The following NUP98 variants were observed in gnomAD, a reference collection of about 807,000 sequenced individuals.
NUP98 encodes the protein nucleoporin 98 and 96 precursor, also known as nuclear pore complex protein Nup98-Nup96.
Under a neutral mutation model 191.9 loss-of-function variants are expected in NUP98, and 26 were observed. That is an observed-to-expected ratio of 0.14 (90% CI 0.10 to 0.19). The LOEUF (loss-of-function observed/expected upper bound fraction) is 0.19, where lower values mean the gene tolerates loss of function less well. NUP98 is among the 10% of genes least tolerant of loss of function. The pLI, the probability that NUP98 is intolerant of heterozygous loss-of-function variation, is 1.00. For synonymous variants in NUP98, 808 were observed against 778.4 expected (o/e 1.04, Z -0.63); for missense variants, 1,941 against 2,178.8 (o/e 0.89, Z 2.17).
At chr11:3,791,569 G>A (rs1302449811) in intron 1 of NUP98, among the ~76,000 whole-genome samples, 1 of 148,508 alleles carries the variant, frequency 6.7e-6, no homozygotes, top group African/African-American at 2.5e-5. Flanking sequence ...GAAAGGCTGG[G>A]CATGGTGGCT....
At chr11:3,753,832 G>C (rs1019653112) in intron 10 of NUP98, among the ~76,000 whole-genome samples, 3 of 144,436 alleles carry the variant, frequency 2.1e-5, no homozygotes, top group Non-Finnish European at 4.5e-5. Context: ...CCAGCTACTC[G>C]GGAGGCTAAG....
At chr11:3,744,747 C>T in intron 11 of NUP98, 98 bp from the exon 12 acceptor site, 3 of 1,345,452 alleles carry the variant, frequency 2.2e-6, no homozygotes, top group Non-Finnish European at 3.0e-6. Flanking sequence ...TTGGAAACTT[C>T]ATAGTGACCA....
In NUP98 at chr11:3,771,871, C is replaced by T. The variant is rs749624608; in HGVS notation, c.661G>A (p.Ala221Thr). Residue 221 changes from alanine to threonine, a missense_variant, in exon 7 of 33, where the codon GCA becomes ACA. By Grantham distance (58) the Ala-to-Thr change is moderately conservative. Around this residue, in one of 6 missense-constraint regions of NUP98, gnomAD observed 181 missense variants for 228.0 expected, o/e 0.79. Transcript: ENST00000324932. ...NRKGPQNQVG[A>T]GTTTGLFGSS... ...CCAAACAAGCCAGTTGTGGTACCTG[C>T]TCCCACCTGGTTCTGTGGGCCCTTC... is the stretch of plus-strand genomic sequence containing the variant. The T allele has an allele frequency of 1.3e-5, 21 of 1,614,044 alleles. No individual in the cohort carries two copies. The highest frequency in any genetic ancestry group is 1.6e-5 in the Non-Finnish European group (19 of 1,180,028).
rs61502115 is a variant in NUP98 at position 3,738,087 on chromosome 11, C to CAAAA, written c.1409-2767_1409-2764dup. On this transcript the variant is annotated intron_variant, in intron 12 of 32. Coordinates refer to ENST00000324932, the MANE Select transcript of NUP98 (RefSeq NM_016320.5). Reference sequence around the variant, plus strand: ...ACAAATCATTCTACCTGGGCGTTCTCAAAAAAAAAAAAAAAAAAAACCAAA... The same window carrying CAAAA: ...ACAAATCATTCTACCTGGGCGTTCTCAAAAAAAAAAAAAAAAAAAAAAAACCAAA... Among the ~76,000 whole-genome samples, 529 of 69,258 alleles carry CAAAA rather than the reference C, an allele frequency of 7.6e-3. 4 individuals are homozygous for CAAAA. Among genetic ancestry groups the CAAAA allele is most frequent in the Non-Finnish European group, 0.012 (397 of 33,988 alleles). 45.4% of individuals were successfully genotyped at this position (69,258 alleles called of 152,430 possible).
chr11:3,708,114 A>C (rs2078917624), intron 20 of NUP98, among the ~76,000 whole-genome samples: 1 of 152,192 alleles, frequency 6.6e-6, no homozygotes, highest in African/African-American at 2.4e-5. Context: ...AGAAAAATAA[A>C]TAAAATAGGC....
intron 24 of NUP98, 59 bp downstream of exon 24, chr11:3,700,551 C>T: frequency 8.3e-7 from 1 of 1,211,148 alleles, no homozygotes; most frequent in Non-Finnish European, 1.2e-6. Flanking sequence ...CTCCCGTGAA[C>T]ATACGCTACC....
At chr11:3,780,623 G>C (rs1024468614) in intron 2 of NUP98, among the ~76,000 whole-genome samples, 1 of 151,754 alleles carries the variant, frequency 6.6e-6, no homozygotes, top group Non-Finnish European at 1.5e-5. Flanking sequence ...TATGATAGAG[G>C]TTTGTTAGTC....
At chr11:3,693,421 TTACCTG>T (rs771571822) in intron 26 of NUP98, 46 bp from the exon 27 acceptor site, 1 of 1,597,904 alleles carries the variant, frequency 6.3e-7, no homozygotes, top group Non-Finnish European at 8.6e-7. Flanking sequence ...TACCTTGTTA[TTACCTG>T]TGTGTGCAAT....
intron 12 of NUP98, among the ~76,000 whole-genome samples, chr11:3,737,691 C>T (rs1307894530): frequency 3.3e-5 from 5 of 151,900 alleles, no homozygotes; most frequent in Non-Finnish European, 7.4e-5. Context: ...AAAGAAGAGT[C>T]AAAGGTTTCT....
chr11:3,745,941 C>A (rs950875938), intron 11 of NUP98, among the ~76,000 whole-genome samples: 6 of 152,086 alleles, frequency 3.9e-5, no homozygotes, highest in African/African-American at 1.4e-4. Context: ...AGGATGACTA[C>A]TGAACAAATT....
In NUP98 at chr11:3,735,657, T is replaced by C. The variant is rs1003128102; in HGVS notation, c.1409-333A>G. ...ATTTTATGCATACCTATCACTGAAA[T>C]AGCTGCATAAAAAGCCATAGTCTTT... On this transcript the variant is annotated intron_variant, in intron 12 of 32. Coordinates refer to ENST00000324932, the MANE Select transcript of NUP98 (RefSeq NM_016320.5). Among the ~76,000 whole-genome samples the C allele has an allele frequency of 1.3e-4, 20 of 152,084 alleles. No individual in the cohort carries two copies. In the South Asian group the frequency reaches 1.9e-3, roughly 14 times the overall value.
intron 4 of NUP98, among the ~76,000 whole-genome samples, chr11:3,777,812 G>A (rs1274333190): frequency 1.3e-5 from 2 of 151,970 alleles, no homozygotes; most frequent in African/African-American, 4.8e-5. Flanking sequence ...AAAGCAAACA[G>A]GCACATTTCT....
chr11:3,793,041 G>T (rs1049199232), intron 1 of NUP98, among the ~76,000 whole-genome samples: 2 of 152,134 alleles, frequency 1.3e-5, no homozygotes, highest in African/African-American at 2.4e-5. Flanking sequence ...AACCTGGGAG[G>T]CGGAGGTTGG....
chr11:3,756,855 A>G (rs1402115019), intron 10 of NUP98, among the ~76,000 whole-genome samples: 1 of 151,476 alleles, frequency 6.6e-6, no homozygotes, highest in Non-Finnish European at 1.5e-5. Context: ...TGGGAGGCCG[A>G]GGTGAGCGGA....
At chr11:3,731,702 G>A in intron 13 of NUP98, 124 bp from the exon 14 acceptor site, 1 of 586,904 alleles carries the variant, frequency 1.7e-6, no homozygotes. Flanking sequence ...ACCTGTTGAA[G>A]TCTCTGTTCC....
At chr11:3,761,723 G>C (rs755224613) in intron 9 of NUP98, among the ~76,000 whole-genome samples, 1 of 151,704 alleles carries the variant, frequency 6.6e-6, no homozygotes, top group Non-Finnish European at 1.5e-5. Flanking sequence ...GCACGCCACT[G>C]TACTCCAGCC....
intron 22 of NUP98, among the ~76,000 whole-genome samples, chr11:3,703,582 A>G (rs866199860): frequency 1.3e-5 from 2 of 152,206 alleles, no homozygotes; most frequent in Admixed American, 6.5e-5. Context: ...CTGAGCTCAG[A>G]TAAGTGACTT....
At chr11:3,706,402 T>G (rs765312730) in intron 21 of NUP98, 43 bp downstream of exon 21, 2 of 1,573,120 alleles carry the variant, frequency 1.3e-6, no homozygotes, top group Non-Finnish European at 1.7e-6. Flanking sequence ...GATAAAATAT[T>G]AGTTTGGCTT....
intron 4 of NUP98, among the ~76,000 whole-genome samples, chr11:3,777,490 G>A (rs1368242448): frequency 6.6e-6 from 1 of 151,830 alleles, no homozygotes; most frequent in East Asian, 1.9e-4. Flanking sequence ...GCGTGATGGC[G>A]GGCGCCTGTA....
Sources: gnomAD v4.1 joint callset for allele counts (sites outside exome capture counted in the v4.1 genomes callset) on GRCh38, gnomAD v4.1.1 for gene constraint, gnomAD v4.1.1 regional missense constraint, MANE v1.5 for transcripts, NCBI Gene and HGNC (gene_info 2026-07-23, HGNC 2026-07-21) for gene names.